The following GADL1 variants were observed in gnomAD, a reference collection of about 807,000 sequenced individuals.
GADL1 encodes the protein acidic amino acid decarboxylase GADL1.
In GADL1, 71 loss-of-function variants were observed where a neutral mutation model predicts 69.5. That is an observed-to-expected ratio of 1.02 (90% CI 0.84 to 1.25). The LOEUF (loss-of-function observed/expected upper bound fraction) is 1.25. GADL1 is among the 50% of genes most tolerant of loss of function. The probability of loss-of-function intolerance (pLI) is 0.00; values close to 1 mark genes in which losing one functional copy is unlikely to be tolerated. For missense variants in GADL1, 737 were observed against 631.8 expected (o/e 1.17, Z -1.79); for synonymous variants, 254 against 214.4 (o/e 1.18, Z -1.62).
At chr3:30,837,309 T>C (rs1353497133) in intron 9 of GADL1, among the ~76,000 whole-genome samples, 1 of 152,110 alleles carries the variant, frequency 6.6e-6, no homozygotes, top group African/African-American at 2.4e-5. Flanking sequence ...CCTGTAGTAA[T>C]ATTTTATTGA....
intron 4 of GADL1, among the ~76,000 whole-genome samples, chr3:30,853,173 G>A (rs890719106): frequency 6.6e-6 from 1 of 151,980 alleles, no homozygotes; most frequent in South Asian, 2.1e-4. Flanking sequence ...GCCCAGTATT[G>A]AGCCGCCTTC....
At chr3:30,770,840 G>A (rs1225633675) in intron 14 of GADL1, among the ~76,000 whole-genome samples, 1 of 151,896 alleles carries the variant, frequency 6.6e-6, no homozygotes, top group Non-Finnish European at 1.5e-5. Flanking sequence ...TTAAGCTCAA[G>A]GAAAGAAAAA....
chr3:30,859,127 AGGT>A (rs1267281100), intron 2 of GADL1, among the ~76,000 whole-genome samples: 2 of 151,800 alleles, frequency 1.3e-5, no homozygotes, highest in Non-Finnish European at 2.9e-5. Context: ...AGAATGTAGG[AGGT>A]GAAGAAACGG....
In GADL1 at chr3:30,812,156, C is replaced by A. The variant is rs538905259; in HGVS notation, c.1051-11068G>T. Among the ~76,000 whole-genome samples the A allele has an allele frequency of 3.9e-4, 59 of 152,182 alleles. No homozygotes were observed. The South Asian group carries it at 5.2e-3, about 13-fold the overall frequency. On this transcript the variant is annotated intron_variant, in intron 11 of 14. Coordinates refer to ENST00000282538, the MANE Select transcript of GADL1 (RefSeq NM_207359.3). Reference sequence around the variant, plus strand: ...AAGAATGGCTTTATTCCGTGCAACCCAAAGAGAATGTGGGTTACATGTGGT... The same window carrying A: ...AAGAATGGCTTTATTCCGTGCAACCAAAAGAGAATGTGGGTTACATGTGGT...
chr3:30,894,479 G>A, intron 1 of GADL1, 99 bp downstream of exon 1: 2 of 1,001,860 alleles, frequency 2.0e-6, no homozygotes, highest in Admixed American at 2.5e-5. Context: ...GCTTTACAAA[G>A]AAATAACCAA....
intron 2 of GADL1, among the ~76,000 whole-genome samples, chr3:30,860,528 C>T (rs1275128970): frequency 1.3e-5 from 2 of 151,948 alleles, no homozygotes; most frequent in South Asian, 2.1e-4. Context: ...TACCAAACAC[C>T]ATCAGGATTT....
chr3:30,827,131 T>C (rs780458176), intron 11 of GADL1, among the ~76,000 whole-genome samples: 16 of 151,866 alleles, frequency 1.1e-4, no homozygotes, highest in Admixed American at 8.5e-4. Flanking sequence ...ACATTGCCAT[T>C]TGGTGGTATT....
intron 11 of GADL1, among the ~76,000 whole-genome samples, chr3:30,833,151 G>A (rs1241152709): frequency 6.6e-6 from 1 of 152,056 alleles, no homozygotes; most frequent in African/African-American, 2.4e-5. Context: ...CACAGATCTT[G>A]AGGAGGCATT....
chr3:30,887,137 C>A (rs952310127), intron 1 of GADL1, among the ~76,000 whole-genome samples: 7 of 152,172 alleles, frequency 4.6e-5, no homozygotes, highest in African/African-American at 1.7e-4. Flanking sequence ...TGGTGTGTCA[C>A]CTCACCTCAT....
At chr3:30,766,742 A>G (rs1251778025) in intron 14 of GADL1, among the ~76,000 whole-genome samples, 1 of 151,362 alleles carries the variant, frequency 6.6e-6, no homozygotes, top group South Asian at 2.1e-4. Context: ...TCAGTCAGCT[A>G]GACTGCAGGG....
At chr3:30,843,544 C>T (rs1330211211) in intron 8 of GADL1, among the ~76,000 whole-genome samples, 1 of 152,224 alleles carries the variant, frequency 6.6e-6, no homozygotes, top group East Asian at 1.9e-4. Flanking sequence ...GCGTGAGCCA[C>T]CGCGCCCGGC....
intron 4 of GADL1, among the ~76,000 whole-genome samples, chr3:30,853,205 C>A (rs1027445097): frequency 5.9e-5 from 9 of 152,144 alleles, no homozygotes; most frequent in African/African-American, 1.7e-4. Flanking sequence ...TATACTCTGT[C>A]CCCTAGGCAG....
At chr3:30,830,092 G>A (rs1354285336) in intron 11 of GADL1, among the ~76,000 whole-genome samples, 1 of 151,754 alleles carries the variant, frequency 6.6e-6, no homozygotes, top group African/African-American at 2.4e-5. Flanking sequence ...GCACCTTGGA[G>A]GTCACTCTCT....
At chr3:30,765,315 C>CTCAA (rs71093937) in intron 14 of GADL1, among the ~76,000 whole-genome samples, 126,937 of 151,888 alleles carry the variant, frequency 0.84, 53,327 homozygotes, top group South Asian at 0.91. Context: ...TGCAGACCAA[C>CTCAA]TCACACTTTC....
chr3:30,782,050 T>C (rs993110599), intron 13 of GADL1, among the ~76,000 whole-genome samples: 6 of 152,268 alleles, frequency 3.9e-5, no homozygotes, highest in Admixed American at 2.6e-4. Context: ...GACAAGAAAA[T>C]GACACTTTCT....
chr3:30,780,398 CTCTA>C (rs1234847370), intron 13 of GADL1, among the ~76,000 whole-genome samples: 1 of 152,176 alleles, frequency 6.6e-6, no homozygotes, highest in African/African-American at 2.4e-5. Flanking sequence ...CCCTTGGGCG[CTCTA>C]TCTCAGTGCC....
At chr3:30,776,327 A>C (rs1696535663) in intron 14 of GADL1, among the ~76,000 whole-genome samples, 2 of 152,164 alleles carry the variant, frequency 1.3e-5, no homozygotes, top group African/African-American at 2.4e-5. Context: ...CCTACTAAAA[A>C]ATGTCAGCCA....
intron 11 of GADL1, among the ~76,000 whole-genome samples, chr3:30,812,550 A>T (rs757129163): frequency 3.9e-5 from 6 of 152,316 alleles, no homozygotes; most frequent in Middle Eastern, 3.4e-3. Flanking sequence ...ACCTGCCCCC[A>T]TGATTCAACT....
intron 9 of GADL1, among the ~76,000 whole-genome samples, chr3:30,835,446 C>G (rs1697858502): frequency 6.6e-6 from 1 of 152,028 alleles, no homozygotes; most frequent in Non-Finnish European, 1.5e-5. Context: ...TGAAGTATCT[C>G]CACGATCCTC....
Sources: gnomAD v4.1 joint callset for allele counts (sites outside exome capture counted in the v4.1 genomes callset) on GRCh38, gnomAD v4.1.1 for gene constraint, MANE v1.5 for transcripts, NCBI Gene and HGNC (gene_info 2026-07-23, HGNC 2026-07-21) for gene names.